The following ZNF716 variants were observed in gnomAD, a reference collection of about 807,000 sequenced individuals.
The protein encoded by ZNF716 is zinc finger protein 716.
ZNF716 carries 9 observed loss-of-function variants against 13.4 expected under a neutral mutation model. The observed-to-expected ratio is 0.67, with a 90% CI of 0.41 to 1.18. The LOEUF (loss-of-function observed/expected upper bound fraction) is 1.18. Among genes scored for constraint, ZNF716 ranks in the 50% most tolerant of loss-of-function variants. The pLI is 0.01. For missense variants in ZNF716, 581 were observed against 576.6 expected, an observed-to-expected ratio of 1.01 and a Z score of -0.08; for synonymous variants, 186 against 195.2, an observed-to-expected ratio of 0.95 and a Z score of 0.39.
At position 57,458,781 on chromosome 7, in the gene ZNF716, CCTT is replaced by C. The variant is rs1187976807; in HGVS notation, c.40-3674_40-3672del. On this transcript the variant is annotated intron_variant, in intron 1 of 3. Transcript: ENST00000420713. ...TTAACTATAAATATTTATGTTTCAA[CCTT>C]CTTCATTTCAGCTCTGATTTTGGTT... is the stretch of plus-strand genomic sequence containing the variant. 1.4e-4 allele frequency among the ~76,000 whole-genome samples: 21 copies of C among 152,256 alleles called. No individual in the cohort carries two copies. The East Asian group carries it at 2.3e-3, about 17-fold the overall frequency.
intron 1 of ZNF716, among the ~76,000 whole-genome samples, chr7:57,456,069 C>T (rs532548677): frequency 7.6e-4 from 115 of 152,092 alleles, no homozygotes; most frequent in Admixed American, 5.9e-3. Flanking sequence ...GATTCTCCTG[C>T]CTCAGCCTCC....
chr7:57,462,999 C>T, intron 2 of ZNF716, 74 bp from the exon 3 acceptor site: 1 of 1,557,950 alleles, frequency 6.4e-7, no homozygotes, highest in East Asian at 2.2e-5. Flanking sequence ...ATCCTCTTTA[C>T]TAAGCATAAT....
rs782466193 is a variant in ZNF716 at position 57,469,449 on chromosome 7, G to A, written c.988G>A (p.Gly330Ser). ...GERPYKCEEC[G>S]KAFSLSSTLK... ...GAGACCCTACAAATGTGAAGAATGT[G>A]GCAAAGCCTTTAGCTTATCCTCAAC... is the stretch of plus-strand genomic sequence containing the variant. The change falls in exon 4 of 4, where the codon GGC becomes AGC. Residue 330 changes from glycine to serine, a missense_variant. Gly to Ser is a moderately conservative substitution (Grantham distance 56, BLOSUM62 0). Transcript: ENST00000420713. 5.6e-6 allele frequency: 9 copies of A among 1,613,760 alleles called. No homozygotes were observed. Among genetic ancestry groups the A allele is most frequent in the Non-Finnish European group, 5.9e-6 (7 of 1,179,966 alleles).
chr7:57,463,760 T>C (rs1462441406), intron 3 of ZNF716, among the ~76,000 whole-genome samples: 1 of 152,154 alleles, frequency 6.6e-6, no homozygotes, highest in African/African-American at 2.4e-5. Context: ...GTCTTCATGT[T>C]ACTGTGTTGC....
chr7:57,455,600 T>C (rs191698443), intron 1 of ZNF716, among the ~76,000 whole-genome samples: 7 of 152,104 alleles, frequency 4.6e-5, no homozygotes, highest in African/African-American at 1.7e-4. Flanking sequence ...CATTGCAATC[T>C]CCACCTCCTG....
At chr7:57,466,653 A>G (rs1301153064) in intron 3 of ZNF716, among the ~76,000 whole-genome samples, 1 of 152,176 alleles carries the variant, frequency 6.6e-6, no homozygotes, top group Non-Finnish European at 1.5e-5. Context: ...ACTCTACTGA[A>G]CAGTGAACCA....
intron 1 of ZNF716, among the ~76,000 whole-genome samples, chr7:57,452,643 G>GA (rs1161015636): frequency 2.7e-5 from 4 of 150,550 alleles, no homozygotes; most frequent in East Asian, 2.0e-4. Context: ...GTCTCAGAAA[G>GA]AAAAAAAAAG....
rs1789726569 is a variant in ZNF716 at position 57,462,499 on chromosome 7, CT to C, written c.80del (p.Leu27ArgfsTer18). ...TFRDIAIEFSLAEWQCLDHAQ... is the reference protein window; with the variant it reads ...TFRDIAIEFSXAEWQCLDHAQ... ...CAGAGACATAGCTATAGAATTTTCT[CT>C]GGCGGAATGGCAATGCCTGGATCAT... On this transcript the variant is annotated frameshift_variant, in exon 2 of 4. Coordinates refer to ENST00000420713, the MANE Select transcript of ZNF716 (RefSeq NM_001159279.1). LOFTEE classifies it high-confidence loss of function. The C allele has an allele frequency of 6.2e-7, 1 of 1,613,772 alleles. No homozygotes were observed.
chr7:57,460,637 T>G (rs1225966041), intron 1 of ZNF716, among the ~76,000 whole-genome samples: 1 of 152,220 alleles, frequency 6.6e-6, no homozygotes, highest in East Asian at 1.9e-4. Context: ...CACCACAAAT[T>G]TATGACCTGC....
At chr7:57,459,666 A>G (rs142681284) in intron 1 of ZNF716, among the ~76,000 whole-genome samples, 353 of 152,288 alleles carry the variant, frequency 2.3e-3, no homozygotes, top group African/African-American at 8.2e-3. Context: ...AGATACATTC[A>G]TGAGAGTTTA....
chr7:57,459,203 A>T (rs1442333510), intron 1 of ZNF716, among the ~76,000 whole-genome samples: 1 of 152,166 alleles, frequency 6.6e-6, no homozygotes, highest in Non-Finnish European at 1.5e-5. Flanking sequence ...AAATTATTCA[A>T]CACTTAGTAC....
chr7:57,451,836 G>C (rs1325451254), intron 1 of ZNF716, among the ~76,000 whole-genome samples: 1 of 138,798 alleles, frequency 7.2e-6, no homozygotes, highest in Non-Finnish European at 1.5e-5. Flanking sequence ...GCGTGATCTT[G>C]CCTCACTACA....
At position 57,453,860 on chromosome 7, in the gene ZNF716, C is replaced by T. The variant is rs781887014; in HGVS notation, c.39+3533C>T. On this transcript the variant is annotated intron_variant, in intron 1 of 3. Transcript: ENST00000420713. The stretch of plus-strand genomic sequence containing the variant: ...GTTGTCTTATTTTTATTTTGGAGAC[C>T]GAGTCTTTGTCACCCAGGCTGGAGT... Among the ~76,000 whole-genome samples, 7 of 151,970 alleles carry T rather than the reference C, an allele frequency of 4.6e-5. No homozygotes were observed. In the South Asian group the frequency reaches 6.2e-4, roughly 14 times the overall value.
At chr7:57,455,495 G>A (rs1219622124) in intron 1 of ZNF716, among the ~76,000 whole-genome samples, 1 of 150,338 alleles carries the variant, frequency 6.7e-6, no homozygotes, top group Non-Finnish European at 1.5e-5. Context: ...TGTTGGTGAA[G>A]ACCACAAAGG....
At chr7:57,464,345 T>G (rs1187235285) in intron 3 of ZNF716, among the ~76,000 whole-genome samples, 5 of 152,072 alleles carry the variant, frequency 3.3e-5, no homozygotes, top group African/African-American at 1.2e-4. Context: ...GGTCTTGAAT[T>G]CCTGACCTCT....
At chr7:57,467,865 G>T (rs1262684340) in intron 3 of ZNF716, among the ~76,000 whole-genome samples, 1 of 151,228 alleles carries the variant, frequency 6.6e-6, no homozygotes, top group African/African-American at 2.4e-5. Context: ...AGCATAATAT[G>T]GATTATCTTA....
chr7:57,457,046 C>T (rs577246467), intron 1 of ZNF716, among the ~76,000 whole-genome samples: 9 of 152,248 alleles, frequency 5.9e-5, no homozygotes, highest in Non-Finnish European at 1.2e-4. Context: ...ACACCCCTCC[C>T]GGGACTAGGC....
At position 57,469,946 on chromosome 7, in the gene ZNF716, A is replaced by C. The variant is rs781837359; in HGVS notation, c.1485A>C (p.Glu495Asp). 7.1e-6 allele frequency: 11 copies of C among 1,549,398 alleles called. No homozygotes were observed. The highest frequency in any genetic ancestry group is 1.7e-4 in the Middle Eastern group (1 of 5,908). Residue 495 changes from glutamate (E) to aspartate (D), a missense_variant, in exon 4 of 4, where the codon GAA becomes GAC. Coordinates refer to ENST00000420713, the MANE Select transcript of ZNF716 (RefSeq NM_001159279.1). The part of the protein sequence containing the change: ...MHTGEKPYKY[E>D] ...CTGGAGAGAAACCCTACAAATATGA[A>C]TAATGTGGTAAAGTCCAGCCCTCAG...
chr7:57,452,919 A>G (rs1789524266), intron 1 of ZNF716, among the ~76,000 whole-genome samples: 1 of 152,010 alleles, frequency 6.6e-6, no homozygotes, highest in East Asian at 1.9e-4. Context: ...TTTTGAGAAT[A>G]GCATGCGGTA....
Sources: allele counts gnomAD v4.1 joint callset (sites outside exome capture counted in the v4.1 genomes callset), GRCh38; gene constraint gnomAD v4.1.1; transcripts MANE v1.5; gene names NCBI Gene and HGNC (gene_info 2026-07-23, HGNC 2026-07-21).